The following PRKCQ variants were observed in gnomAD, a reference collection of about 807,000 sequenced individuals.
PRKCQ encodes protein kinase C theta type.
Under a neutral mutation model 91.2 loss-of-function variants are expected in PRKCQ, and 41 were observed. The ratio of observed to expected loss-of-function variants is 0.45; its 90% confidence interval spans 0.35 to 0.58. PRKCQ has a LOEUF of 0.58. Among genes scored for constraint, PRKCQ ranks in the 20% least tolerant of loss-of-function variants. The pLI is 0.00. For missense variants in PRKCQ, 673 were observed against 896.5 expected (o/e 0.75, Z 3.18); for synonymous variants, 307 against 316.9 (o/e 0.97, Z 0.33).
At chr10:6,493,107 G>A (rs1837411507) in intron 7 of PRKCQ, among the ~76,000 whole-genome samples, 1 of 152,148 alleles carries the variant, frequency 6.6e-6, no homozygotes, top group Non-Finnish European at 1.5e-5. Context: ...GAATGCAGGG[G>A]CAAACAGCTC....
intron 1 of PRKCQ, among the ~76,000 whole-genome samples, chr10:6,577,597 A>T (rs888494019): frequency 6.6e-6 from 1 of 152,230 alleles, no homozygotes; most frequent in Non-Finnish European, 1.5e-5. Context: ...GATTTTCATT[A>T]TATAACAATA....
intron 4 of PRKCQ, among the ~76,000 whole-genome samples, chr10:6,499,137 C>T (rs1054020729): frequency 1.3e-5 from 2 of 152,156 alleles, no homozygotes; most frequent in African/African-American, 4.8e-5. Context: ...CTGATGTCCA[C>T]AGTGATCAGA....
chr10:6,409,033 G>A, the PRKCQ span, among the ~76,000 whole-genome samples: 97 of 152,258 alleles, frequency 6.4e-4, no homozygotes, highest in African/African-American at 2.3e-3. Context: ...TTTGCTTTCT[G>A]GTCTCACTTT....
intron 15 of PRKCQ, among the ~76,000 whole-genome samples, chr10:6,448,472 G>A (rs183324517): frequency 6.6e-6 from 1 of 151,854 alleles, no homozygotes; most frequent in Non-Finnish European, 1.5e-5. Context: ...GCAGTGGCAC[G>A]ATCTCGGCTC....
chr10:6,439,384 C>A (rs1371983659), intron 16 of PRKCQ, among the ~76,000 whole-genome samples: 2 of 152,186 alleles, frequency 1.3e-5, no homozygotes, highest in African/African-American at 4.8e-5. Context: ...GTGGGTAGGG[C>A]AGGTTGGGGA....
At chr10:6,425,110 C>G (rs149199955), downstream of PRKCQ, among the ~76,000 whole-genome samples, 412 of 152,264 alleles carry the variant, frequency 2.7e-3, 1 homozygote, top group African/African-American at 9.5e-3. Context: ...GTCGCTGAAA[C>G]CCTGCACTCT....
At chr10:6,540,254 G>C (rs1839726873) in intron 1 of PRKCQ, among the ~76,000 whole-genome samples, 1 of 152,104 alleles carries the variant, frequency 6.6e-6, no homozygotes, top group South Asian at 2.1e-4. Flanking sequence ...AATGTATCAT[G>C]CTAGCCATTT....
the PRKCQ span, among the ~76,000 whole-genome samples, chr10:6,409,799 T>G: frequency 6.6e-6 from 1 of 152,226 alleles, no homozygotes; most frequent in East Asian, 1.9e-4. Flanking sequence ...AAGCTATCAT[T>G]TTCATGGAAT....
At chr10:6,554,615 C>T (rs1157793862) in intron 1 of PRKCQ, among the ~76,000 whole-genome samples, 3 of 152,080 alleles carry the variant, frequency 2.0e-5, no homozygotes, top group Non-Finnish European at 4.4e-5. Context: ...GGGGGCTTTA[C>T]AGAAAATGAA....
intron 1 of PRKCQ, among the ~76,000 whole-genome samples, chr10:6,532,594 C>T (rs745791106): frequency 2.0e-5 from 3 of 152,218 alleles, no homozygotes; most frequent in African/African-American, 4.8e-5. Flanking sequence ...TTGTCTGAAA[C>T]GTACTTCAGC....
At chr10:6,471,139 T>C (rs1588710940) in intron 12 of PRKCQ, among the ~76,000 whole-genome samples, 1 of 152,184 alleles carries the variant, frequency 6.6e-6, no homozygotes, top group East Asian at 1.9e-4. Context: ...AGACCATTTA[T>C]CTTTCTTTTT....
At chr10:6,501,200 G>A (rs1837891971) in intron 4 of PRKCQ, among the ~76,000 whole-genome samples, 1 of 150,624 alleles carries the variant, frequency 6.6e-6, no homozygotes, top group Admixed American at 6.6e-5. Flanking sequence ...TAGAAGGGAA[G>A]AAAAAGAAAC....
At chr10:6,561,749 C>CA (rs1411275725) in intron 1 of PRKCQ, among the ~76,000 whole-genome samples, 3 of 152,198 alleles carry the variant, frequency 2.0e-5, no homozygotes, top group Non-Finnish European at 4.4e-5. Context: ...TTTAATTAAA[C>CA]AAACTTTCTT....
chr10:6,522,053 C>G (rs758070730), intron 1 of PRKCQ, among the ~76,000 whole-genome samples: 15 of 152,130 alleles, frequency 9.9e-5, no homozygotes, highest in Non-Finnish European at 1.9e-4. Context: ...AGCGATTCTT[C>G]TGCCTCAACC....
chr10:6,493,696 T>C (rs147454018), intron 7 of PRKCQ, among the ~76,000 whole-genome samples: 1 of 152,320 alleles, frequency 6.6e-6, no homozygotes, highest in African/African-American at 2.4e-5. Context: ...GGAAGAAGTC[T>C]GGGAGGTGAA....
At chr10:6,404,732 CTCCT>C in the PRKCQ span, among the ~76,000 whole-genome samples, 2 of 144,024 alleles carry the variant, frequency 1.4e-5, no homozygotes, top group Admixed American at 6.9e-5. Context: ...TCCTTCCTCC[CTCCT>C]TCCTTCCTCC....
At chr10:6,529,549 C>T (rs76784052) in intron 1 of PRKCQ, among the ~76,000 whole-genome samples, 219 of 152,286 alleles carry the variant, frequency 1.4e-3, no homozygotes, top group Non-Finnish European at 2.5e-3. Context: ...GGATCTGAAG[C>T]CCCTGGGCAT....
intron 15 of PRKCQ, among the ~76,000 whole-genome samples, chr10:6,450,979 A>C (rs1446169670): frequency 2.0e-5 from 3 of 152,082 alleles, no homozygotes; most frequent in Non-Finnish European, 4.4e-5. Flanking sequence ...AAGCAGGAAA[A>C]ATCCAAAACT....
chr10:6,555,716 A>G (rs1193154962), intron 1 of PRKCQ, among the ~76,000 whole-genome samples: 1 of 152,218 alleles, frequency 6.6e-6, no homozygotes, highest in African/African-American at 2.4e-5. Flanking sequence ...AAAAAAAAAC[A>G]GGGTATGGGC....
Sources: gnomAD v4.1 joint callset for allele counts (sites outside exome capture counted in the v4.1 genomes callset) on GRCh38, gnomAD v4.1.1 for gene constraint, MANE v1.5 for transcripts, NCBI Gene and HGNC (gene_info 2026-07-23, HGNC 2026-07-21) for gene names.